The following RNF213 variants were observed in gnomAD, a reference collection of about 807,000 sequenced individuals.
RNF213 encodes the protein E3 ubiquitin-protein ligase RNF213.
Under a neutral mutation model 514.4 loss-of-function variants are expected in RNF213, and 341 were observed. The observed-to-expected ratio is 0.66, with a 90% CI of 0.61 to 0.73. RNF213 has a LOEUF of 0.73. RNF213 is among the 30% of genes least tolerant of loss of function. RNF213 has a pLI of 0.00. For missense variants in RNF213, 5,767 were observed against 6,615.6 expected (o/e 0.87, Z 4.45); for synonymous variants, 2,655 against 2,658.2 (o/e 1.00, Z 0.04).
At chr17:80,266,261 G>A (rs2043608114) in intron 2 of RNF213, among the ~76,000 whole-genome samples, 1 of 150,210 alleles carries the variant, frequency 6.7e-6, no homozygotes, top group South Asian at 2.1e-4. Context: ...AAGCAACATG[G>A]TGGAGCCCCA....
At chr17:80,322,449 G>A (rs1264518215) in intron 17 of RNF213, among the ~76,000 whole-genome samples, 5 of 152,082 alleles carry the variant, frequency 3.3e-5, no homozygotes, top group African/African-American at 1.2e-4. Context: ...GGTGGCATGT[G>A]CCTGTAGTCC....
At chr17:80,328,180 A>T in intron 19 of RNF213, 148 bp from the exon 20 acceptor site, 1 of 1,117,234 alleles carries the variant, frequency 9.0e-7, no homozygotes, top group Non-Finnish European at 1.2e-6. Context: ...GTGATAAAAT[A>T]ATGGCCATCT....
chr17:80,291,142 A>G (rs1392997201), intron 7 of RNF213, among the ~76,000 whole-genome samples: 1 of 152,062 alleles, frequency 6.6e-6, no homozygotes, highest in Non-Finnish European at 1.5e-5. Flanking sequence ...TGAGTTGATG[A>G]CATTCTTCGG....
At chr17:80,292,220 G>T (rs886629085) in intron 8 of RNF213, among the ~76,000 whole-genome samples, 1 of 152,070 alleles carries the variant, frequency 6.6e-6, no homozygotes, top group African/African-American at 2.4e-5. Context: ...GAGTAGCTGG[G>T]ATTACAGGAG....
Position 80,386,360 on chromosome 17 carries a change from G to C in RNF213, c.14650G>C (p.Val4884Leu). ...CCTGGGCCTCTGTGCTACCGCTCTC[G>C]TCAGCTACTTGATTCGCCTACACAA... The part of the protein sequence containing the change: ...RGLGLCATAL[V>L]SYLIRLHNEI... The change falls in exon 62 of 68, where the codon GTC (valine) becomes CTC (leucine). Residue 4884 changes from valine (V) to leucine (L), a missense_variant. By Grantham distance (32) the Val-to-Leu change is conservative. Transcript: ENST00000582970. 1 of 1,614,134 alleles carries C rather than the reference G, an allele frequency of 6.2e-7. No homozygotes were observed.
Position 80,339,524 on chromosome 17 carries a change from GC to G in RNF213, c.5162del (p.Pro1721ArgfsTer6). Reference sequence around the variant, plus strand: ...ACCTGAGCACTGAGCTCAGGAAGCAGCCCCCGAGTGATGCCGCCCTAACGAT... The same window carrying G: ...ACCTGAGCACTGAGCTCAGGAAGCAGCCCCGAGTGATGCCGCCCTAACGAT... ...VYLSTELRKQ[P>X]PSDAALTMLS... On this transcript the variant is annotated frameshift_variant, in exon 26 of 68. Transcript: ENST00000582970. LOFTEE classifies it high-confidence loss of function. 2.0e-6 allele frequency: 3 copies of G among 1,537,244 alleles called. No homozygotes were observed. The highest frequency in any genetic ancestry group is 2.6e-6 in the Non-Finnish European group (3 of 1,146,896).
intron 14 of RNF213, 83 bp downstream of exon 14, chr17:80,309,254 T>G: frequency 6.5e-7 from 1 of 1,537,936 alleles, no homozygotes; most frequent in Middle Eastern, 1.7e-4. Context: ...GGAAACAGAC[T>G]GATTCCCGGG....
intron 11 of RNF213, among the ~76,000 whole-genome samples, chr17:80,300,795 G>T (rs576781049): frequency 3.3e-5 from 5 of 151,612 alleles, no homozygotes; most frequent in Admixed American, 6.6e-5. Context: ...CAAGTGATCC[G>T]CCCACCTTGG....
At chr17:80,284,710 C>CGGAACGT (rs111939286) in intron 3 of RNF213, among the ~76,000 whole-genome samples, 8,696 of 152,218 alleles carry the variant, frequency 0.057, 344 homozygotes, top group East Asian at 0.2. Flanking sequence ...GCCTTCCGGA[C>CGGAACGT]GGCTCCCCCA....
At chr17:80,271,777 G>A (rs2043830164) in intron 2 of RNF213, among the ~76,000 whole-genome samples, 1 of 151,920 alleles carries the variant, frequency 6.6e-6, no homozygotes, top group Non-Finnish European at 1.5e-5. Context: ...AGGAGTTCAA[G>A]ACCAGCCTGA....
rs965594146 is a variant in RNF213 at position 80,263,465 on chromosome 17, G to C, written c.-108-109G>C. The C allele has an allele frequency of 1.1e-5, 6 of 568,692 alleles. No homozygotes were observed. The highest frequency in any genetic ancestry group is 1.9e-5 in the African/African-American group (1 of 53,200). 35.2% of individuals were successfully genotyped at this position (568,692 alleles called of 1,614,324 possible). On this transcript the variant is annotated intron_variant, in intron 1 of 67. Coordinates refer to ENST00000582970, the MANE Select transcript of RNF213 (RefSeq NM_001256071.3). The surrounding 1 kb of genome is among the most constrained non-coding windows in gnomAD (Gnocchi z 4.9). ...CAGGGCAGAGACTGCAAAAGCTTGAGAGCCAAGGGGGCAGCACAGAGCGGG... is the reference window on the plus strand; with the variant it reads ...CAGGGCAGAGACTGCAAAAGCTTGACAGCCAAGGGGGCAGCACAGAGCGGG...
chr17:80,376,611 C>A, intron 52 of RNF213, 68 bp downstream of exon 52: 1 of 1,605,310 alleles, frequency 6.2e-7, no homozygotes, highest in South Asian at 1.1e-5. Flanking sequence ...CTGTAGAGAC[C>A]GAGCTGCAGC....
chr17:80,382,237 T>C (rs2080040033), intron 57 of RNF213: 1 of 158,180 alleles, frequency 6.3e-6, no homozygotes, highest in Admixed American at 6.0e-5. Context: ...AACTTTCTAT[T>C]TTAAAAATTT....
intron 30 of RNF213, 116 bp downstream of exon 30, chr17:80,350,022 A>T (rs2078449275): frequency 8.7e-7 from 1 of 1,150,266 alleles, no homozygotes; most frequent in African/African-American, 1.5e-5. Flanking sequence ...TGACTGTGAA[A>T]TAGATCCTTG....
chr17:80,319,737 C>A, intron 17 of RNF213: 1 of 1,384,048 alleles, frequency 7.2e-7, no homozygotes. Flanking sequence ...AAAATTGTAT[C>A]AATTTATTTA....
Position 80,385,091 on chromosome 17 carries a change from G to A in RNF213, c.14375G>A (p.Arg4792Lys), listed in dbSNP as rs1404560778. Residue 4792 changes from arginine (R) to lysine (K), a missense_variant, in exon 60 of 68, where the codon AGG becomes AAG. This residue lies in a region of RNF213 where 1,245 missense variants were observed against 1,339.0 expected (regional missense o/e 0.93). Coordinates refer to ENST00000582970, the MANE Select transcript of RNF213 (RefSeq NM_001256071.3). The stretch of plus-strand genomic sequence containing the variant: ...CTGCCTGAGATTTTGGCCTTGCAAA[G>A]GGATCTAGTGAAGCAGTTCCAGAAC... The part of the protein sequence containing the change: ...KFLPEILALQ[R>K]DLVKQFQNVQ... 1 of 1,614,200 alleles carries A rather than the reference G, an allele frequency of 6.2e-7. No homozygotes were observed. Among genetic ancestry groups the A allele is most frequent in the African/African-American group, 1.3e-5 (1 of 75,058 alleles).
intron 19 of RNF213, 118 bp from the exon 20 acceptor site, chr17:80,328,210 A>T: frequency 7.7e-7 from 1 of 1,304,684 alleles, no homozygotes; most frequent in East Asian, 2.5e-5. Flanking sequence ...GGGTATGCGC[A>T]AAACCATCCT....
chr17:80,306,455 T>A lies in RNF213; in HGVS notation c.2414T>A (p.Val805Asp), dbSNP rs2045361659. The change falls in exon 12 of 68, where the codon GTC becomes GAC. Residue 805 changes from valine (V) to aspartate (D), a missense_variant. Coordinates refer to ENST00000582970, the MANE Select transcript of RNF213 (RefSeq NM_001256071.3). ...IYYRLPGLEQVLNTQDVQDVQ... is the reference protein window; with the variant it reads ...IYYRLPGLEQDLNTQDVQDVQ... The stretch of plus-strand genomic sequence containing the variant: ...TACCGGCTTCCGGGACTTGAGCAAG[T>A]CTTGAATACGCAGGTTTGTGTCTGA... 4.3e-6 allele frequency: 7 copies of A among 1,614,056 alleles called. No homozygotes were observed. The highest frequency in any genetic ancestry group is 4.5e-5 in the East Asian group (2 of 44,884).
intron 17 of RNF213, among the ~76,000 whole-genome samples, chr17:80,321,785 G>A (rs1018429327): frequency 2.6e-5 from 4 of 151,530 alleles, no homozygotes; most frequent in Non-Finnish European, 4.4e-5. Flanking sequence ...GTGCAGTGGC[G>A]TGATCTTGGC....
Sources: gnomAD v4.1 joint callset for allele counts (sites outside exome capture counted in the v4.1 genomes callset) on GRCh38, gnomAD v4.1.1 for gene constraint, gnomAD v4.1.1 regional missense constraint, Gnocchi (gnomAD v3.1) non-coding constraint, MANE v1.5 for transcripts, NCBI Gene and HGNC (gene_info 2026-07-23, HGNC 2026-07-21) for gene names.